MSI2: variants seen among roughly 807,000 people sequenced by gnomAD.
MSI2 encodes musashi RNA binding protein 2, also known as RNA-binding protein Musashi homolog 2.
MSI2 carries 17 observed loss-of-function variants against 45.6 expected under a neutral mutation model. That is an observed-to-expected ratio of 0.37 (90% CI 0.26 to 0.56). The LOEUF is 0.56. Among genes scored for constraint, MSI2 ranks in the 20% least tolerant of loss-of-function variants. The pLI is 0.77. For synonymous variants in MSI2, 156 were observed against 158.2 expected, an observed-to-expected ratio of 0.99 and a Z score of 0.11; for missense variants, 293 against 444.2, an observed-to-expected ratio of 0.66 and a Z score of 3.06.
chr17:57,547,429 G>A (rs1456040600), intron 7 of MSI2, among the ~76,000 whole-genome samples: 1 of 152,216 alleles, frequency 6.6e-6, no homozygotes, highest in Non-Finnish European at 1.5e-5. Context: ...GTGCAGTGGA[G>A]AGCTGATGGC....
chr17:57,620,048 C>A (rs1908142949), intron 9 of MSI2, among the ~76,000 whole-genome samples: 1 of 152,200 alleles, frequency 6.6e-6, no homozygotes, highest in Non-Finnish European at 1.5e-5. Flanking sequence ...TAGTCTTCTT[C>A]TAACCAAGTA....
chr17:57,335,639 C>T (rs1414253428), intron 5 of MSI2, among the ~76,000 whole-genome samples: 1 of 152,200 alleles, frequency 6.6e-6, no homozygotes, highest in Non-Finnish European at 1.5e-5. Flanking sequence ...GTGAACTTAA[C>T]AAAATGCTGA....
chr17:57,605,266 G>A (rs1004572082), intron 8 of MSI2, among the ~76,000 whole-genome samples: 1 of 152,214 alleles, frequency 6.6e-6, no homozygotes, highest in Non-Finnish European at 1.5e-5. Flanking sequence ...GTTAATGAGA[G>A]CAGAGTGATT....
intron 9 of MSI2, among the ~76,000 whole-genome samples, chr17:57,625,217 C>A (rs1225824416): frequency 6.6e-6 from 1 of 152,094 alleles, no homozygotes; most frequent in Non-Finnish European, 1.5e-5. Context: ...TCATAACAAC[C>A]CCCAAGGGCA....
intron 7 of MSI2, among the ~76,000 whole-genome samples, chr17:57,588,697 C>T (rs1904542380): frequency 6.6e-6 from 1 of 152,328 alleles, no homozygotes; most frequent in South Asian, 2.1e-4. Flanking sequence ...CCCACTCTCT[C>T]CTTGCCCTCT....
chr17:57,501,688 G>T (rs1407465848), intron 6 of MSI2, among the ~76,000 whole-genome samples: 1 of 152,196 alleles, frequency 6.6e-6, no homozygotes, highest in Non-Finnish European at 1.5e-5. Flanking sequence ...CCTCACTACT[G>T]TCAGGGTGAA....
chr17:57,701,077 G>T, the MSI2 span, among the ~76,000 whole-genome samples: 1 of 152,118 alleles, frequency 6.6e-6, no homozygotes, highest in Non-Finnish European at 1.5e-5. Context: ...CCTTGAATAG[G>T]TAAAAGAGAA....
chr17:57,441,971 C>T (rs981893663), intron 6 of MSI2, among the ~76,000 whole-genome samples: 1 of 151,986 alleles, frequency 6.6e-6, no homozygotes, highest in Non-Finnish European at 1.5e-5. Flanking sequence ...CCCTGGAGAC[C>T]TCCCTTGCTT....
At chr17:57,577,530 T>G (rs16958555) in intron 7 of MSI2, among the ~76,000 whole-genome samples, 4,538 of 152,294 alleles carry the variant, frequency 0.03, 86 homozygotes, top group Middle Eastern at 0.068. Context: ...TACCAGTTAT[T>G]TACTGCCATG....
chr17:57,686,326 AAATAG>A (rs1913880910), downstream of MSI2, among the ~76,000 whole-genome samples: 1 of 152,248 alleles, frequency 6.6e-6, no homozygotes, highest in African/African-American at 2.4e-5. Context: ...TAAAAAAATA[AAATAG>A]AAAACAAATC....
intron 7 of MSI2, among the ~76,000 whole-genome samples, chr17:57,554,240 G>T (rs193107568): frequency 1.3e-5 from 2 of 149,058 alleles, no homozygotes; most frequent in Admixed American, 6.6e-5. Flanking sequence ...GGCGGGGGAG[G>T]GGGGGGATGG....
At chr17:57,483,261 C>T (rs895829479) in intron 6 of MSI2, among the ~76,000 whole-genome samples, 2 of 151,406 alleles carry the variant, frequency 1.3e-5, no homozygotes, top group African/African-American at 4.9e-5. Context: ...TTTTAATAAA[C>T]TTGCCTTAAA....
At chr17:57,401,305 T>A in intron 5 of MSI2, 74 bp from the exon 6 acceptor site, 1 of 1,226,882 alleles carries the variant, frequency 8.2e-7, no homozygotes, top group Admixed American at 1.7e-5. Context: ...GAGAGCAGAT[T>A]GTTTCAGCAG....
chr17:57,635,761 C>T (rs1909786945), intron 10 of MSI2, among the ~76,000 whole-genome samples: 2 of 152,258 alleles, frequency 1.3e-5, no homozygotes, highest in Admixed American at 1.3e-4. Flanking sequence ...AACAGGTTTG[C>T]TCTCGGGTCC....
chr17:57,655,618 G>A (rs1235811608), intron 11 of MSI2, among the ~76,000 whole-genome samples: 1 of 151,400 alleles, frequency 6.6e-6, no homozygotes, highest in African/African-American at 2.4e-5. Flanking sequence ...TCATATTTCT[G>A]TTGTCTTTTC....
intron 5 of MSI2, among the ~76,000 whole-genome samples, chr17:57,374,156 A>G (rs975264061): frequency 2.0e-5 from 3 of 152,250 alleles, no homozygotes; most frequent in Non-Finnish European, 4.4e-5. Flanking sequence ...AGACAGACAA[A>G]GACAGAAGCT....
intron 5 of MSI2, among the ~76,000 whole-genome samples, chr17:57,341,952 C>T (rs1345926182): frequency 3.3e-5 from 5 of 152,062 alleles, no homozygotes; most frequent in Non-Finnish European, 7.3e-5. Flanking sequence ...TCTAACTTGC[C>T]ATGGAACCAG....
At chr17:57,329,968 T>C (rs1914111091) in intron 5 of MSI2, among the ~76,000 whole-genome samples, 1 of 152,080 alleles carries the variant, frequency 6.6e-6, no homozygotes, top group African/African-American at 2.4e-5. Context: ...GATAGCCTTA[T>C]TTAACCTTTC....
chr17:57,354,457 G>A (rs934898961), intron 5 of MSI2, among the ~76,000 whole-genome samples: 1 of 152,118 alleles, frequency 6.6e-6, no homozygotes, highest in Non-Finnish European at 1.5e-5. Context: ...CCCTGGGAGA[G>A]CTTACATTCT....
Sources: gnomAD v4.1 joint callset for allele counts (sites outside exome capture counted in the v4.1 genomes callset) on GRCh38, gnomAD v4.1.1 for gene constraint, MANE v1.5 for transcripts, NCBI Gene and HGNC (gene_info 2026-07-23, HGNC 2026-07-21) for gene names.